The following SORCS3 variants were observed in gnomAD, a reference collection of about 807,000 sequenced individuals.
SORCS3 encodes the protein sortilin related VPS10 domain containing receptor 3.
Under a neutral mutation model 146.3 loss-of-function variants are expected in SORCS3, and 57 were observed. The ratio of observed to expected loss-of-function variants is 0.39; its 90% CI spans 0.31 to 0.49. The LOEUF (loss-of-function observed/expected upper bound fraction) is 0.49, where lower values mean the gene tolerates loss of function less well. Ranked by LOEUF, SORCS3 falls within the 20% of genes least tolerant of loss-of-function variation. The probability of loss-of-function intolerance (pLI) is 0.92; values close to 1 mark genes in which losing one functional copy is unlikely to be tolerated. For missense variants in SORCS3, 1,341 were observed against 1,575.5 expected (o/e 0.85, Z 2.52); for synonymous variants, 653 against 618.5 (o/e 1.06, Z -0.83).
At chr10:104,805,936 A>C (rs577543484) in intron 1 of SORCS3, among the ~76,000 whole-genome samples, 17 of 151,846 alleles carry the variant, frequency 1.1e-4, no homozygotes, top group African/African-American at 3.6e-4. Context: ...GTATTTTGTA[A>C]ACCCCTATGT....
At chr10:104,895,733 C>T (rs566114981) in intron 2 of SORCS3, among the ~76,000 whole-genome samples, 2 of 152,314 alleles carry the variant, frequency 1.3e-5, no homozygotes, top group African/African-American at 4.8e-5. Flanking sequence ...TGTCTCCATG[C>T]CTGTACACGC....
At chr10:105,240,401 GC>G (rs1185218493) in intron 20 of SORCS3, among the ~76,000 whole-genome samples, 2 of 152,200 alleles carry the variant, frequency 1.3e-5, no homozygotes, top group Non-Finnish European at 2.9e-5. Flanking sequence ...ATGAGAAATA[GC>G]TGAAGGCAGT....
At chr10:105,053,912 A>T (rs899257346) in intron 5 of SORCS3, among the ~76,000 whole-genome samples, 3 of 152,114 alleles carry the variant, frequency 2.0e-5, no homozygotes, top group Non-Finnish European at 4.4e-5. Context: ...CAAACTATAT[A>T]TATAAAAATA....
chr10:104,644,190 G>A (rs1202504404), intron 1 of SORCS3, among the ~76,000 whole-genome samples: 1 of 152,216 alleles, frequency 6.6e-6, no homozygotes, highest in Non-Finnish European at 1.5e-5. Context: ...ACAGCCCACA[G>A]GGACTTATTG....
chr10:105,207,098 T>TGGAC (rs2056606807), intron 16 of SORCS3, among the ~76,000 whole-genome samples: 1 of 152,122 alleles, frequency 6.6e-6, no homozygotes, highest in Non-Finnish European at 1.5e-5. Flanking sequence ...CCTATGGGAT[T>TGGAC]GGACTCATGC....
rs565652187 is a variant in SORCS3, at chr10:104,688,434, A to G, written c.627+46480A>G. On this transcript the variant is annotated intron_variant, in intron 1 of 26. Coordinates refer to ENST00000369701, the MANE Select transcript of SORCS3 (RefSeq NM_014978.3). ...GTGGATGCAGAGGGCGTTGTGAATC[A>G]GAGCACGTTGACTCCAGCGCCTGCC... Among the ~76,000 whole-genome samples, 311 of 143,618 alleles carry G rather than the reference A, an allele frequency of 2.2e-3. 1 individual carries two copies. Among genetic ancestry groups the G allele is most frequent in the African/African-American group, 7.7e-3 (296 of 38,622 alleles). The allele number at this position is 143,618 out of a possible 152,430, so 94.2% of individuals were successfully genotyped here. A position where few individuals can be genotyped will look rare whatever the true frequency, so the allele number is the denominator to read the frequency against.
chr10:104,847,037 A>T (rs1291021261), intron 2 of SORCS3, among the ~76,000 whole-genome samples: 1 of 152,164 alleles, frequency 6.6e-6, no homozygotes, highest in Non-Finnish European at 1.5e-5. Flanking sequence ...GGCCATTGTC[A>T]TGTGGTAGGG....
intron 7 of SORCS3, among the ~76,000 whole-genome samples, chr10:105,127,854 C>T (rs981643702): frequency 1.3e-5 from 2 of 152,140 alleles, no homozygotes; most frequent in Non-Finnish European, 1.5e-5. Flanking sequence ...GCTTTTGACA[C>T]GAGCCACTGT....
At chr10:104,733,944 G>A (rs563801652) in intron 1 of SORCS3, among the ~76,000 whole-genome samples, 10 of 152,270 alleles carry the variant, frequency 6.6e-5, no homozygotes, top group Admixed American at 3.9e-4. Flanking sequence ...ATGGTGCCTG[G>A]ACAGATCATA....
intron 4 of SORCS3, among the ~76,000 whole-genome samples, chr10:104,994,555 C>G (rs76758683): frequency 0.018 from 2,759 of 152,290 alleles, 44 homozygotes; most frequent in Non-Finnish European, 0.03. Flanking sequence ...CTGAGCAAAT[C>G]CGTCACCTTC....
intron 2 of SORCS3, among the ~76,000 whole-genome samples, chr10:104,876,658 T>C (rs1197861966): frequency 6.6e-6 from 1 of 151,944 alleles, no homozygotes; most frequent in Non-Finnish European, 1.5e-5. Context: ...CTCCACACCA[T>C]TGTCAGATGC....
At chr10:105,143,233 T>G (rs2056107589) in intron 8 of SORCS3, among the ~76,000 whole-genome samples, 1 of 152,220 alleles carries the variant, frequency 6.6e-6, no homozygotes, top group Admixed American at 6.6e-5. Flanking sequence ...CTTGATACTC[T>G]TCCCTTTGGT....
At chr10:104,953,991 T>C (rs1185402731) in intron 3 of SORCS3, among the ~76,000 whole-genome samples, 1 of 152,140 alleles carries the variant, frequency 6.6e-6, no homozygotes, top group Non-Finnish European at 1.5e-5. Context: ...CTGTCTGTAT[T>C]GGGCAAGGCC....
chr10:105,047,095 C>T lies in SORCS3; in HGVS notation c.1028+3967C>T, dbSNP rs77260402. 4.2e-3 allele frequency among the ~76,000 whole-genome samples: 636 copies of T among 152,080 alleles called. 6 individuals carry two copies. The highest frequency in any genetic ancestry group is 0.015 in the African/African-American group (609 of 41,488). ...CAAATGAATAGTATTCCACTCTTCC[C>T]TTGGGGGATATTTAACAGGCAGGCA... On this transcript the variant is annotated intron_variant, in intron 5 of 26. Coordinates refer to ENST00000369701, the MANE Select transcript of SORCS3 (RefSeq NM_014978.3).
chr10:105,248,713 C>CA (rs35611802), intron 22 of SORCS3, among the ~76,000 whole-genome samples: 72,001 of 110,106 alleles, frequency 0.65, 22,281 homozygotes, highest in Non-Finnish European at 0.68. Context: ...GACTCCATCT[C>CA]AAAAAAAAAA....
chr10:104,793,743 A>G (rs1183192858), intron 1 of SORCS3, among the ~76,000 whole-genome samples: 1 of 152,228 alleles, frequency 6.6e-6, no homozygotes, highest in African/African-American at 2.4e-5. Context: ...AAGAATGAGT[A>G]TAATTTTGAC....
chr10:104,915,535 G>A (rs1229715047), intron 2 of SORCS3, among the ~76,000 whole-genome samples: 1 of 151,854 alleles, frequency 6.6e-6, no homozygotes, highest in African/African-American at 2.4e-5. Flanking sequence ...GTGGGGCGGG[G>A]CTGAGCAGCA....
At chr10:104,880,982 CAT>C (rs1270405707) in intron 2 of SORCS3, among the ~76,000 whole-genome samples, 5 of 152,176 alleles carry the variant, frequency 3.3e-5, no homozygotes, top group Non-Finnish European at 7.3e-5. Context: ...CTTGTTAAAA[CAT>C]ATAATCTCTG....
chr10:105,028,212 C>T (rs547930204), intron 4 of SORCS3, among the ~76,000 whole-genome samples: 45 of 152,262 alleles, frequency 3.0e-4, no homozygotes, highest in South Asian at 8.3e-4. Flanking sequence ...GGGGTCAGTA[C>T]CCTGTGTTTT....
Sources: gnomAD v4.1 joint callset for allele counts (sites outside exome capture counted in the v4.1 genomes callset) on GRCh38, gnomAD v4.1.1 for gene constraint, MANE v1.5 for transcripts, NCBI Gene and HGNC (gene_info 2026-07-23, HGNC 2026-07-21) for gene names.